The following RGL1 variants were observed in gnomAD, a reference collection of about 807,000 sequenced individuals.
RGL1 encodes the protein ral guanine nucleotide dissociation stimulator-like 1.
A neutral mutation model predicts 95.2 loss-of-function variants in RGL1; 24 were observed. The ratio of observed to expected loss-of-function variants is 0.25; its 90% CI spans 0.18 to 0.35. RGL1 has a LOEUF of 0.35. Ranked by LOEUF, RGL1 falls within the 10% of genes least tolerant of loss-of-function variation. The pLI is 1.00. For synonymous variants in RGL1, 329 were observed against 344.9 expected, an observed-to-expected ratio of 0.95 and a Z score of 0.51; for missense variants, 715 against 936.3, an observed-to-expected ratio of 0.76 and a Z score of 3.08.
intron 1 of RGL1, among the ~76,000 whole-genome samples, chr1:183,712,743 T>A (rs1207087056): frequency 6.6e-6 from 1 of 152,212 alleles, no homozygotes; most frequent in Non-Finnish European, 1.5e-5. Flanking sequence ...AATGATAGTC[T>A]CATATAGACC....
intron 1 of RGL1, among the ~76,000 whole-genome samples, chr1:183,641,237 C>T (rs1649902144): frequency 6.6e-6 from 1 of 152,136 alleles, no homozygotes; most frequent in Non-Finnish European, 1.5e-5. Context: ...CAGGCTCAAG[C>T]CATCCTCCCA....
chr1:183,680,613 T>C (rs769097172), intron 1 of RGL1, among the ~76,000 whole-genome samples: 27 of 152,238 alleles, frequency 1.8e-4, no homozygotes, highest in Non-Finnish European at 3.1e-4. Context: ...GGTAGCGTGA[T>C]GCCTCCAGCT....
rs781548743 is a variant in RGL1, at chr1:183,794,001, G to A, written c.133-12374G>A. On this transcript the variant is annotated intron_variant, in intron 2 of 18. Transcript: ENST00000304685. ...TTTCAGCACTATTCATAATAGCCAC[G>A]ATATAGAATCAACCTAAGTGTACAT... Among the ~76,000 whole-genome samples the A allele has an allele frequency of 2.0e-5, 3 of 151,234 alleles. No homozygotes were observed. The South Asian group carries it at 6.3e-4, about 32-fold the overall frequency.
chr1:183,877,359 C>T (rs1666557353), intron 4 of RGL1, among the ~76,000 whole-genome samples: 1 of 152,230 alleles, frequency 6.6e-6, no homozygotes, highest in Non-Finnish European at 1.5e-5. Context: ...AGCCATTGGC[C>T]AGTAATCCTG....
chr1:183,857,852 C>G (rs1049507787), intron 3 of RGL1, among the ~76,000 whole-genome samples: 3 of 152,156 alleles, frequency 2.0e-5, no homozygotes. Context: ...GAACATGTGG[C>G]GACTGTAGAG....
chr1:183,796,516 T>C (rs1660710952), intron 2 of RGL1, among the ~76,000 whole-genome samples: 1 of 152,186 alleles, frequency 6.6e-6, no homozygotes, highest in Non-Finnish European at 1.5e-5. Flanking sequence ...GAACTTAAAA[T>C]ATAATTAAAA....
At chr1:183,644,069 A>G (rs1005223892) in intron 1 of RGL1, among the ~76,000 whole-genome samples, 7 of 152,272 alleles carry the variant, frequency 4.6e-5, no homozygotes, top group African/African-American at 9.6e-5. Flanking sequence ...GAGGATGCCC[A>G]TTGGTACTGT....
intron 1 of RGL1, among the ~76,000 whole-genome samples, chr1:183,659,399 A>G (rs1572236894): frequency 6.6e-6 from 1 of 152,368 alleles, no homozygotes; most frequent in South Asian, 2.1e-4. Context: ...CTCGAGAACT[A>G]TGGGAAGAAT....
At chr1:183,740,892 A>C (rs1657253154) in intron 1 of RGL1, among the ~76,000 whole-genome samples, 1 of 152,228 alleles carries the variant, frequency 6.6e-6, no homozygotes, top group Non-Finnish European at 1.5e-5. Flanking sequence ...TCTAGTCTCA[A>C]GATGCTTATA....
At chr1:183,718,390 A>G (rs766840166) in intron 1 of RGL1, among the ~76,000 whole-genome samples, 7 of 152,262 alleles carry the variant, frequency 4.6e-5, no homozygotes, top group Non-Finnish European at 1.0e-4. Context: ...AATAGTCACC[A>G]TACACTAGAA....
Position 183,888,589 on chromosome 1 carries a change from A to T in RGL1, c.1055+12A>T. On this transcript the variant is annotated intron_variant, in intron 8 of 17. Coordinates refer to ENST00000360851, the MANE Select transcript of RGL1 (RefSeq NM_001297671.3). ...GCTGCCGTCCCAAGGTAAGTTCCCA[A>T]GTGTTTGCTCTGCTTTTCTTTGGCC... is the stretch of plus-strand genomic sequence containing the variant. The T allele has an allele frequency of 6.4e-7, 1 of 1,552,092 alleles. No homozygotes were observed. Among genetic ancestry groups the T allele is most frequent in the Non-Finnish European group, 8.9e-7 (1 of 1,123,794 alleles).
At chr1:183,831,704 A>G (rs891075587) in intron 2 of RGL1, among the ~76,000 whole-genome samples, 2 of 152,210 alleles carry the variant, frequency 1.3e-5, no homozygotes, top group East Asian at 3.8e-4. Flanking sequence ...ATGTCACTAG[A>G]TAGATTCATT....
intron 3 of RGL1, among the ~76,000 whole-genome samples, chr1:183,850,648 C>A (rs1481468713): frequency 6.6e-6 from 1 of 152,044 alleles, no homozygotes; most frequent in Non-Finnish European, 1.5e-5. Context: ...CAGTGCTTGA[C>A]AAAATAGGCC....
At chr1:183,750,866 G>T (rs12126025) in intron 2 of RGL1, among the ~76,000 whole-genome samples, 67,766 of 152,142 alleles carry the variant, frequency 0.45, 16,129 homozygotes, top group East Asian at 0.8. Context: ...TCTAGACTCT[G>T]TTTGTCTGGG....
At chr1:183,662,054 C>T (rs1371443559) in intron 1 of RGL1, among the ~76,000 whole-genome samples, 2 of 149,578 alleles carry the variant, frequency 1.3e-5, no homozygotes, top group Non-Finnish European at 2.9e-5. Context: ...ATTGATGGGA[C>T]ATATTTCAAG....
At chr1:183,799,179 G>A (rs1572425526) in intron 2 of RGL1, among the ~76,000 whole-genome samples, 1 of 152,078 alleles carries the variant, frequency 6.6e-6, no homozygotes, top group Non-Finnish European at 1.5e-5. Flanking sequence ...TGGGATTACA[G>A]GCATGAGCCA....
intron 1 of RGL1, among the ~76,000 whole-genome samples, chr1:183,637,888 A>C (rs1372811890): frequency 6.6e-6 from 1 of 151,594 alleles, no homozygotes; most frequent in African/African-American, 2.4e-5. Context: ...TATATAACTT[A>C]GAATAAAGAT....
chr1:183,780,173 T>C (rs537327459), intron 2 of RGL1, among the ~76,000 whole-genome samples: 1 of 152,322 alleles, frequency 6.6e-6, no homozygotes, highest in African/African-American at 2.4e-5. Context: ...TTGGTGGAAA[T>C]GTGGGTTCAT....
Position 183,805,125 on chromosome 1 carries a change from C to T in RGL1, c.-173C>T. ...TCGCTCGCCGCGCTCCCTTTGTGGC[C>T]CGAGTCGCGCGCACCGGCGGCGGCG... On this transcript the variant is annotated 5_prime_UTR_variant, in exon 1 of 18. Transcript: ENST00000360851. 1 of 789,192 alleles carries T rather than the reference C, an allele frequency of 1.3e-6. No individual in the cohort carries two copies. Among genetic ancestry groups the T allele is most frequent in the Admixed American group, 4.5e-5 (1 of 22,248 alleles). The allele number at this position is 789,192 out of a possible 1,614,324, so 48.9% of individuals were successfully genotyped here.
Sources: gnomAD v4.1 joint callset for allele counts (sites outside exome capture counted in the v4.1 genomes callset) on GRCh38, gnomAD v4.1.1 for gene constraint, MANE v1.5 for transcripts, NCBI Gene and HGNC (gene_info 2026-07-23, HGNC 2026-07-21) for gene names.